Variants in PCDH15 observed in about 807,000 individuals in gnomAD.
The protein encoded by PCDH15 is protocadherin-15.
PCDH15 carries 129 observed loss-of-function variants against 178.5 expected under a neutral mutation model. The ratio of observed to expected loss-of-function variants is 0.72; its 90% CI spans 0.63 to 0.84. The LOEUF (loss-of-function observed/expected upper bound fraction) is 0.84, where lower values mean the gene tolerates loss of function less well. PCDH15 is among the 40% of genes least tolerant of loss of function. The pLI is 0.00. For missense variants in PCDH15, 2,230 were observed against 2,099.9 expected (o/e 1.06, Z -1.21); for synonymous variants, 800 against 732.0 (o/e 1.09, Z -1.50).
chr10:54,023,453 ACT>A (rs935598760), intron 18 of PCDH15, among the ~76,000 whole-genome samples: 3 of 150,664 alleles, frequency 2.0e-5, no homozygotes, highest in African/African-American at 7.3e-5. Flanking sequence ...ATGACAGAAA[ACT>A]CATAAAAATA....
intron 1 of PCDH15, among the ~76,000 whole-genome samples, chr10:55,183,354 T>C (rs1368261936): frequency 2.6e-5 from 4 of 151,916 alleles, no homozygotes; most frequent in Non-Finnish European, 5.9e-5. Context: ...TAAATTATCA[T>C]TGATGAAATA....
chr10:55,265,983 C>A (rs1027819207), intron 1 of PCDH15, among the ~76,000 whole-genome samples: 5 of 152,062 alleles, frequency 3.3e-5, no homozygotes, highest in Non-Finnish European at 5.9e-5. Context: ...AAACAGGGTG[C>A]ACCTATTAAC....
intron 18 of PCDH15, among the ~76,000 whole-genome samples, chr10:54,029,633 T>A (rs1474766107): frequency 6.6e-6 from 1 of 152,172 alleles, no homozygotes; most frequent in African/African-American, 2.4e-5. Flanking sequence ...ACCAAGTAAT[T>A]ACTTAAGAAA....
At chr10:54,236,641 G>T (rs2134385522) in intron 9 of PCDH15, among the ~76,000 whole-genome samples, 182 bp downstream of exon 9, 1 of 152,156 alleles carries the variant, frequency 6.6e-6, no homozygotes, top group South Asian at 2.1e-4. Context: ...ACACATTTCA[G>T]TCCAACAAAT....
chr10:54,343,540 TC>T (rs1192821996), intron 6 of PCDH15, among the ~76,000 whole-genome samples: 5 of 152,056 alleles, frequency 3.3e-5, no homozygotes, highest in African/African-American at 1.2e-4. Context: ...TTAAATTGGA[TC>T]AATCAGTTCA....
At chr10:55,251,312 T>C (rs1841830222) in intron 1 of PCDH15, among the ~76,000 whole-genome samples, 1 of 152,120 alleles carries the variant, frequency 6.6e-6, no homozygotes, top group Admixed American at 6.5e-5. Context: ...ATTATTTTTA[T>C]TGTCTTTTTG....
chr10:55,371,843 A>G (rs1303627455), intron 2 of PCDH15, among the ~76,000 whole-genome samples: 1 of 152,144 alleles, frequency 6.6e-6, no homozygotes, highest in African/African-American at 2.4e-5. Context: ...AAATAAATGG[A>G]AAAAAATTTA....
At chr10:55,000,821 A>C (rs1234413672) in intron 2 of PCDH15, among the ~76,000 whole-genome samples, 1 of 152,128 alleles carries the variant, frequency 6.6e-6, no homozygotes, top group Non-Finnish European at 1.5e-5. Context: ...ACAGAGCTGC[A>C]CCTGTCCAGT....
At chr10:55,071,578 A>T (rs545070986) in intron 2 of PCDH15, among the ~76,000 whole-genome samples, 2 of 152,182 alleles carry the variant, frequency 1.3e-5, no homozygotes, top group African/African-American at 4.8e-5. Context: ...CCAATACAGG[A>T]GCACCCAGAT....
At chr10:55,127,934 C>A (rs1591924028) in intron 2 of PCDH15, among the ~76,000 whole-genome samples, 1 of 152,016 alleles carries the variant, frequency 6.6e-6, no homozygotes, top group East Asian at 1.9e-4. Context: ...AGATAAACTT[C>A]ACTTTTGTCA....
At chr10:53,903,158 A>C (rs778333895) in intron 26 of PCDH15, 85 bp downstream of exon 26, 233 of 1,481,298 alleles carry the variant, frequency 1.6e-4, no homozygotes, top group Non-Finnish European at 2.1e-4. Context: ...ATAAGTATGC[A>C]GTTAATGCAA....
At chr10:55,136,075 C>G (rs911967683) in intron 2 of PCDH15, among the ~76,000 whole-genome samples, 4 of 152,156 alleles carry the variant, frequency 2.6e-5, no homozygotes, top group African/African-American at 9.6e-5. Flanking sequence ...ACATTTGTAA[C>G]AACTATAGAG....
intron 3 of PCDH15, among the ~76,000 whole-genome samples, chr10:54,821,721 GTTGTTA>G (rs1953044352): frequency 1.3e-5 from 2 of 151,892 alleles, no homozygotes; most frequent in South Asian, 4.1e-4. Context: ...TCTTTTTGTT[GTTGTTA>G]TCAACAGCTC....
intron 2 of PCDH15, among the ~76,000 whole-genome samples, chr10:55,516,536 T>C (rs1841016313): frequency 6.6e-6 from 1 of 152,180 alleles, no homozygotes; most frequent in African/African-American, 2.4e-5. Context: ...TAGCAATGTC[T>C]GCCTGATTCT....
At chr10:54,804,173 G>A (rs1339699220), upstream of PCDH15, among the ~76,000 whole-genome samples, 1 of 151,992 alleles carries the variant, frequency 6.6e-6, no homozygotes, top group Admixed American at 6.5e-5. Flanking sequence ...CGGAGTAGCT[G>A]GGACTACAGG....
intron 1 of PCDH15, among the ~76,000 whole-genome samples, chr10:55,179,068 A>G (rs1403009014): frequency 6.6e-6 from 1 of 152,096 alleles, no homozygotes; most frequent in Non-Finnish European, 1.5e-5. Flanking sequence ...GTTCATGCAT[A>G]CTTAACCTCC....
intron 2 of PCDH15, among the ~76,000 whole-genome samples, chr10:55,523,464 T>C (rs1164809792): frequency 1.3e-5 from 2 of 151,676 alleles, no homozygotes; most frequent in Non-Finnish European, 3.0e-5. Context: ...TCAAGTAAAT[T>C]AACACGTCCA....
intron 1 of PCDH15, among the ~76,000 whole-genome samples, chr10:55,200,555 G>C (rs1840216573): frequency 6.6e-6 from 1 of 152,024 alleles, no homozygotes; most frequent in East Asian, 1.9e-4. Flanking sequence ...TAAGACTCTG[G>C]GGGACTTTTG....
chr10:55,463,957 GAA>G lies in PCDH15; in HGVS notation c.-156+163666_-156+163667del, dbSNP rs1316124223. Among the ~76,000 whole-genome samples the G allele has an allele frequency of 6.1e-4, 21 of 34,674 alleles. 1 individual carries two copies. The highest frequency in any genetic ancestry group is 0.029 in the Middle Eastern group (2 of 70). The allele number at this position is 34,674 out of a possible 152,430, so 22.7% of individuals were successfully genotyped here. ...AGAAAGAAAGAAAGAAAGAAAGAAA[GAA>G]AGAAAGAAAGAAAGAGAAAGAAAGA... On this transcript the variant is annotated intron_variant, in intron 2 of 5. Coordinates refer to the PCDH15 transcript ENST00000613346.
Sources: allele counts gnomAD v4.1 joint callset (sites outside exome capture counted in the v4.1 genomes callset), GRCh38; gene constraint gnomAD v4.1.1; transcripts MANE v1.5; gene names NCBI Gene and HGNC (gene_info 2026-07-23, HGNC 2026-07-21).